The following TDRD9 variants were observed in gnomAD, a reference collection of about 807,000 sequenced individuals.
The protein encoded by TDRD9 is ATP-dependent RNA helicase TDRD9.
In TDRD9, 124 loss-of-function variants were observed where a neutral mutation model predicts 172.6. The ratio of observed to expected loss-of-function variants is 0.72; its 90% CI spans 0.62 to 0.83. TDRD9 has a LOEUF of 0.83. TDRD9 is among the 40% of genes least tolerant of loss of function. The pLI is 0.00. For synonymous variants in TDRD9, 619 were observed against 617.1 expected (o/e 1.00, Z -0.05); for missense variants, 1,479 against 1,714.1 (o/e 0.86, Z 2.42).
intron 1 of TDRD9, chr14:103,940,899 G>A: frequency 1.3e-6 from 2 of 1,535,226 alleles, no homozygotes; most frequent in African/African-American, 1.4e-5. Flanking sequence ...AACTGGAAAT[G>A]GTGGGTATTT....
At position 103,966,829 on chromosome 14, in the gene TDRD9, GAAGT is replaced by G; in HGVS notation, c.765+3_765+6del. The G allele has an allele frequency of 6.5e-7, 1 of 1,548,868 alleles. No individual in the cohort carries two copies. On this transcript the variant is annotated splice_donor_variant and coding_sequence_variant, in exon 5 of 36. Transcript: ENST00000409874. LOFTEE classifies it high-confidence loss of function. ...GGAATTCACACATATCATCATTGATGAAGTAAGTGATGTCATCTACTTGTAAAGG... is the reference window on the plus strand; with the variant it reads ...GGAATTCACACATATCATCATTGATGAAGTGATGTCATCTACTTGTAAAGG...
chr14:104,047,569 T>A (rs1210158324), intron 34 of TDRD9, among the ~76,000 whole-genome samples: 1 of 152,248 alleles, frequency 6.6e-6, no homozygotes, highest in Non-Finnish European at 1.5e-5. Flanking sequence ...AATATTTTTT[T>A]CTGCCTCGTG....
chr14:104,016,259 T>C (rs988644374), intron 22 of TDRD9, among the ~76,000 whole-genome samples, 171 bp downstream of exon 22: 8 of 152,210 alleles, frequency 5.3e-5, no homozygotes, highest in Non-Finnish European at 1.0e-4. Context: ...TTCATGTGTA[T>C]CTACTTGTCC....
chr14:103,941,263 A>AC, intron 1 of TDRD9: 1 of 845,628 alleles, frequency 1.2e-6, no homozygotes, highest in Non-Finnish European at 1.7e-6. Flanking sequence ...TTTTAAATGT[A>AC]ATTTAAAACA....
intron 8 of TDRD9, among the ~76,000 whole-genome samples, chr14:103,989,658 G>C (rs756403358): frequency 2.0e-5 from 3 of 152,232 alleles, no homozygotes; most frequent in Non-Finnish European, 4.4e-5. Context: ...GTCCCCCAGG[G>C]AATGGTGCCA....
chr14:103,952,188 GTGTATATATATATATATA>G (rs1273619744), intron 1 of TDRD9, among the ~76,000 whole-genome samples: 8 of 56,756 alleles, frequency 1.4e-4, no homozygotes, highest in Non-Finnish European at 2.3e-4. Flanking sequence ...GTGCGTGTGT[GTGTATATATATATATATA>G]TATATATATA....
intron 7 of TDRD9, among the ~76,000 whole-genome samples, chr14:103,978,856 A>G (rs1297963994): frequency 6.6e-6 from 1 of 152,232 alleles, no homozygotes; most frequent in Non-Finnish European, 1.5e-5. Flanking sequence ...CATACAATGC[A>G]TGGTGATGAG....
intron 2 of TDRD9, among the ~76,000 whole-genome samples, chr14:103,960,532 T>C (rs771633399): frequency 6.6e-6 from 1 of 152,234 alleles, no homozygotes; most frequent in African/African-American, 2.4e-5. Context: ...GTTTGTTGAT[T>C]TGCCTTAAAT....
At chr14:104,014,080 T>G (rs528988339) in intron 20 of TDRD9, 1 of 151,682 alleles carries the variant, frequency 6.6e-6, no homozygotes, top group African/African-American at 2.4e-5. Flanking sequence ...ATACAAAAAA[T>G]TAGCTGGGCG....
At chr14:103,998,244 C>T (rs1255910113) in intron 12 of TDRD9, among the ~76,000 whole-genome samples, 1 of 150,142 alleles carries the variant, frequency 6.7e-6, no homozygotes, top group Non-Finnish European at 1.5e-5. Flanking sequence ...CCAGATCCAC[C>T]CACAGGCACA....
At chr14:103,998,475 G>T (rs2034135849) in intron 12 of TDRD9, 149 bp from the exon 13 acceptor site, 3 of 580,208 alleles carry the variant, frequency 5.2e-6, no homozygotes, top group South Asian at 4.6e-5. Context: ...TCCTGGGCGG[G>T]AGTGGTCGGT....
chr14:103,981,572 G>T (rs1270082695), intron 7 of TDRD9, among the ~76,000 whole-genome samples: 1 of 152,220 alleles, frequency 6.6e-6, no homozygotes, highest in African/African-American at 2.4e-5. Flanking sequence ...GCTGTATACA[G>T]ATGTTCCTTG....
intron 32 of TDRD9, 132 bp downstream of exon 32, chr14:104,035,188 G>A (rs2035414576): frequency 4.6e-6 from 3 of 651,554 alleles, no homozygotes; most frequent in Admixed American, 5.4e-5. Context: ...CGCTGCTTGG[G>A]GTGAAGCCTG....
At chr14:103,932,196 G>T (rs1429336178) in intron 1 of TDRD9, among the ~76,000 whole-genome samples, 3 of 152,198 alleles carry the variant, frequency 2.0e-5, no homozygotes, top group African/African-American at 7.2e-5. Context: ...ATTTGTTGAG[G>T]CAGCACTGCA....
intron 31 of TDRD9, among the ~76,000 whole-genome samples, chr14:104,034,693 T>G (rs549259679): frequency 6.6e-6 from 1 of 152,248 alleles, no homozygotes; most frequent in South Asian, 2.1e-4. Context: ...ATAGCCTGAT[T>G]AGGGGAAAGA....
intron 26 of TDRD9, 92 bp downstream of exon 26, chr14:104,025,868 A>G (rs1478028275): frequency 8.4e-7 from 1 of 1,185,992 alleles, no homozygotes; most frequent in Admixed American, 2.0e-5. Context: ...GTAGGTGGAA[A>G]TTAAAATAAT....
intron 35 of TDRD9, 139 bp from the exon 36 acceptor site, chr14:104,051,842 G>C: frequency 1.8e-6 from 1 of 552,796 alleles, no homozygotes; most frequent in Non-Finnish European, 3.3e-6. Context: ...TATGAAGTGT[G>C]AGAGTAGAGA....
chr14:103,953,127 G>A (rs576740037), intron 1 of TDRD9, among the ~76,000 whole-genome samples: 2 of 152,278 alleles, frequency 1.3e-5, no homozygotes, highest in South Asian at 4.1e-4. Context: ...TAAACTAAAA[G>A]TCAGATATTG....
chr14:104,001,380 A>G (rs1422114027), intron 13 of TDRD9, among the ~76,000 whole-genome samples: 1 of 152,258 alleles, frequency 6.6e-6, no homozygotes, highest in African/African-American at 2.4e-5. Flanking sequence ...GAGCCATCTA[A>G]GCCAATACAA....
Sources: gnomAD v4.1 joint callset for allele counts (sites outside exome capture counted in the v4.1 genomes callset) on GRCh38, gnomAD v4.1.1 for gene constraint, MANE v1.5 for transcripts, NCBI Gene and HGNC (gene_info 2026-07-23, HGNC 2026-07-21) for gene names.